CCDC7: variants seen among roughly 807,000 people sequenced by gnomAD.
CCDC7 encodes coiled-coil domain-containing protein 7.
CCDC7 carries 183 observed loss-of-function variants against 196.9 expected under a neutral mutation model. The ratio of observed to expected loss-of-function variants is 0.93; its 90% CI spans 0.82 to 1.05. The LOEUF (loss-of-function observed/expected upper bound fraction) is 1.05, where lower values mean the gene tolerates loss of function less well. CCDC7 is among the 50% of genes least tolerant of loss of function. The probability of loss-of-function intolerance (pLI) is 0.00; values close to 1 mark genes in which losing one functional copy is unlikely to be tolerated. For missense variants in CCDC7, 1,540 were observed against 1,482.2 expected (o/e 1.04, Z -0.64); for synonymous variants, 525 against 484.6 (o/e 1.08, Z -1.10).
At chr10:32,668,990 G>A (rs1326511052) in intron 21 of CCDC7, among the ~76,000 whole-genome samples, 3 of 152,064 alleles carry the variant, frequency 2.0e-5, no homozygotes, top group Admixed American at 1.3e-4. Flanking sequence ...TAGAAGAAAC[G>A]CTCTCAACTT....
At chr10:32,445,756 C>T (rs1194635975), upstream of CCDC7, among the ~76,000 whole-genome samples, 1 of 152,100 alleles carries the variant, frequency 6.6e-6, no homozygotes, top group African/African-American at 2.4e-5. Context: ...CACTTCCGTG[C>T]GAGCTTAGAG....
intron 25 of CCDC7, among the ~76,000 whole-genome samples, chr10:32,716,995 T>A (rs2081700983): frequency 6.6e-6 from 1 of 152,140 alleles, no homozygotes; most frequent in Non-Finnish European, 1.5e-5. Flanking sequence ...TTAACAAGGA[T>A]ATTCAGGACT....
intron 18 of CCDC7, among the ~76,000 whole-genome samples, chr10:32,604,262 CTTCTGGGTTCTCTATTCTG>C (rs2061357255): frequency 1.3e-5 from 2 of 152,014 alleles, no homozygotes; most frequent in Admixed American, 1.3e-4. Context: ...CATAGCTTTA[CTTCTGGGTTCTCTATTCTG>C]TTCCATTGGT....
chr10:32,661,776 C>G (rs1437986204), intron 20 of CCDC7, among the ~76,000 whole-genome samples: 1 of 152,138 alleles, frequency 6.6e-6, no homozygotes, highest in Admixed American at 6.5e-5. Context: ...CTTTTTTATT[C>G]ATCCCTCTCT....
intron 32 of CCDC7, among the ~76,000 whole-genome samples, chr10:32,832,324 T>C (rs181665696): frequency 1.7e-3 from 263 of 152,142 alleles, no homozygotes; most frequent in Middle Eastern, 0.014. Context: ...GCCAACCTGG[T>C]GAAGCCCTGT....
chr10:32,852,764 A>G (rs1238423269), intron 40 of CCDC7, among the ~76,000 whole-genome samples: 1 of 152,186 alleles, frequency 6.6e-6, no homozygotes, highest in African/African-American at 2.4e-5. Flanking sequence ...ACTACATGCA[A>G]TATAAAAGGA....
chr10:32,612,819 G>A (rs2062323386), intron 18 of CCDC7, among the ~76,000 whole-genome samples: 1 of 151,702 alleles, frequency 6.6e-6, no homozygotes, highest in Non-Finnish European at 1.5e-5. Flanking sequence ...CAGTTTGCCA[G>A]TATTTTATTG....
intron 32 of CCDC7, among the ~76,000 whole-genome samples, chr10:32,832,549 A>G (rs1219983123): frequency 1.3e-5 from 2 of 152,144 alleles, no homozygotes; most frequent in African/African-American, 4.8e-5. Context: ...GCTGCAAGAA[A>G]AAAATATCAA....
intron 21 of CCDC7, among the ~76,000 whole-genome samples, chr10:32,669,228 C>T (rs1262526105): frequency 1.3e-5 from 2 of 152,126 alleles, no homozygotes; most frequent in Non-Finnish European, 2.9e-5. Flanking sequence ...ACCATCCTTG[C>T]ACCCAGGAGA....
chr10:32,769,361 A>G (rs867763328), intron 28 of CCDC7, among the ~76,000 whole-genome samples: 105 of 148,438 alleles, frequency 7.1e-4, no homozygotes, highest in African/African-American at 2.3e-3. Context: ...CTCCTTTTTC[A>G]TATCTGATTA....
chr10:32,770,608 A>G (rs2079025022), intron 28 of CCDC7, among the ~76,000 whole-genome samples: 1 of 152,122 alleles, frequency 6.6e-6, no homozygotes, highest in Non-Finnish European at 1.5e-5. Flanking sequence ...AATAGAATTT[A>G]CTATAGATAC....
chr10:32,626,479 T>C (rs183310895), intron 18 of CCDC7, among the ~76,000 whole-genome samples: 358 of 152,098 alleles, frequency 2.4e-3, no homozygotes, highest in Non-Finnish European at 3.9e-3. Flanking sequence ...GATGAATGTA[T>C]GGCTTGTACA....
intron 28 of CCDC7, among the ~76,000 whole-genome samples, chr10:32,736,469 C>T (rs900298003): frequency 4.6e-5 from 7 of 152,108 alleles, no homozygotes; most frequent in African/African-American, 1.7e-4. Context: ...ATACATGTGA[C>T]ATGCTGGTGC....
At chr10:32,511,272 G>GGGA in intron 9 of CCDC7, 3 of 770,830 alleles carry the variant, frequency 3.9e-6, no homozygotes, top group Non-Finnish European at 5.9e-6. Flanking sequence ...GGGGGGGGCG[G>GGGA]GGAAATGTAC....
At chr10:32,484,898 G>T (rs1307840482) in intron 8 of CCDC7, among the ~76,000 whole-genome samples, 1 of 152,176 alleles carries the variant, frequency 6.6e-6, no homozygotes, top group Non-Finnish European at 1.5e-5. Flanking sequence ...AATTTGGTTT[G>T]CCAGTATTTT....
chr10:32,648,765 A>C (rs905932260), intron 20 of CCDC7, among the ~76,000 whole-genome samples: 3 of 152,138 alleles, frequency 2.0e-5, no homozygotes, highest in African/African-American at 7.2e-5. Flanking sequence ...TAACGATCAG[A>C]GATACTGAAT....
At chr10:32,451,825 C>T (rs938614566) in exon 1 of CCDC7, 1 of 1,614,102 alleles carries the variant, frequency 6.2e-7, no homozygotes, top group Non-Finnish European at 8.5e-7. Flanking sequence ...CAGGAGAATC[C>T]ATTTTACGGT....
intron 20 of CCDC7, 115 bp from the exon 22 acceptor site, chr10:32,663,939 T>C (rs1270778844): frequency 8.2e-6 from 3 of 367,172 alleles, no homozygotes; most frequent in African/African-American, 2.1e-5. Flanking sequence ...AATTTACTTA[T>C]ATTTTACATG....
chr10:32,629,572 G>T (rs957252715), intron 18 of CCDC7, among the ~76,000 whole-genome samples: 2 of 152,088 alleles, frequency 1.3e-5, no homozygotes, highest in African/African-American at 4.8e-5. Context: ...GTGCGAGGGT[G>T]CTCACTATTT....
Sources: gnomAD v4.1 joint callset for allele counts (sites outside exome capture counted in the v4.1 genomes callset) on GRCh38, gnomAD v4.1.1 for gene constraint, MANE v1.5 for transcripts, NCBI Gene and HGNC (gene_info 2026-07-23, HGNC 2026-07-21) for gene names.